DLGAP1: variants seen among roughly 807,000 people sequenced by gnomAD.
The protein encoded by DLGAP1 is disks large-associated protein 1.
DLGAP1 carries 11 observed loss-of-function variants against 90.8 expected under a neutral mutation model. That is an observed-to-expected ratio of 0.12 (90% CI 0.08 to 0.20). The LOEUF (loss-of-function observed/expected upper bound fraction) is 0.20, where lower values mean the gene tolerates loss of function less well. Among genes scored for constraint, DLGAP1 ranks in the 10% least tolerant of loss-of-function variants. The pLI is 1.00. For missense variants in DLGAP1, 1,050 were observed against 1,333.8 expected (o/e 0.79, Z 3.31); for synonymous variants, 558 against 540.7 (o/e 1.03, Z -0.44).
At chr18:3,765,840 GA>G in intron 5 of DLGAP1, among the ~76,000 whole-genome samples, 1 of 148,642 alleles carries the variant, frequency 6.7e-6, no homozygotes, top group South Asian at 2.1e-4. Context: ...GTCTCAAAAG[GA>G]AAAAAAACAA....
At chr18:4,272,303 A>G (rs1033868413) in intron 1 of DLGAP1, among the ~76,000 whole-genome samples, 3 of 152,230 alleles carry the variant, frequency 2.0e-5, no homozygotes, top group Non-Finnish European at 4.4e-5. Flanking sequence ...AAAAAGTTAC[A>G]GTATAAGGTG....
chr18:4,317,839 C>A (rs1424420173), intron 1 of DLGAP1, among the ~76,000 whole-genome samples: 1 of 152,160 alleles, frequency 6.6e-6, no homozygotes, highest in Non-Finnish European at 1.5e-5. Context: ...GAGCTAAAAG[C>A]TTTCCTTTTC....
intron 2 of DLGAP1, among the ~76,000 whole-genome samples, chr18:4,044,287 T>C (rs971337858): frequency 1.3e-5 from 2 of 152,216 alleles, no homozygotes; most frequent in Admixed American, 6.5e-5. Context: ...ATCTAAATGC[T>C]GTTTATGGCT....
chr18:3,540,739 A>G (rs2052647345), intron 9 of DLGAP1, among the ~76,000 whole-genome samples: 1 of 152,208 alleles, frequency 6.6e-6, no homozygotes, highest in South Asian at 2.1e-4. Flanking sequence ...TCCTTTGCTT[A>G]AATACATCAT....
chr18:3,536,818 C>A (rs889711266), intron 9 of DLGAP1, among the ~76,000 whole-genome samples: 5 of 151,900 alleles, frequency 3.3e-5, no homozygotes, highest in African/African-American at 4.8e-5. Context: ...CTGAACCCTG[C>A]GATGAAGGGG....
At chr18:3,650,484 C>T (rs1183716812) in intron 7 of DLGAP1, among the ~76,000 whole-genome samples, 2 of 152,134 alleles carry the variant, frequency 1.3e-5, no homozygotes, top group Non-Finnish European at 2.9e-5. Flanking sequence ...AAAAAAGAAA[C>T]GTTTAGCCAA....
At chr18:4,362,757 T>A (rs1423145808) in intron 1 of DLGAP1, among the ~76,000 whole-genome samples, 2 of 152,112 alleles carry the variant, frequency 1.3e-5, no homozygotes, top group Non-Finnish European at 2.9e-5. Context: ...CATTTTACCA[T>A]AATGAAAAAC....
At chr18:4,213,607 G>A (rs1226942600) in intron 1 of DLGAP1, among the ~76,000 whole-genome samples, 1 of 152,098 alleles carries the variant, frequency 6.6e-6, no homozygotes, top group Non-Finnish European at 1.5e-5. Flanking sequence ...AATGTCAATG[G>A]GAAATTTTAG....
intron 4 of DLGAP1, chr18:3,845,348 C>T (rs1467731796): frequency 2.3e-5 from 35 of 1,545,696 alleles, no homozygotes; most frequent in Admixed American, 3.5e-5. Context: ...TATGATTTGC[C>T]GATTCTAAGT....
chr18:3,962,767 CAGG>C (rs1568322199), intron 3 of DLGAP1, among the ~76,000 whole-genome samples: 1 of 152,100 alleles, frequency 6.6e-6, no homozygotes, highest in Non-Finnish European at 1.5e-5. Context: ...GTGTATCTCC[CAGG>C]AGTTTTAAAA....
intron 2 of DLGAP1, among the ~76,000 whole-genome samples, chr18:4,058,959 C>T (rs983711836): frequency 6.6e-6 from 1 of 152,210 alleles, no homozygotes; most frequent in African/African-American, 2.4e-5. Flanking sequence ...CATAGGCTGG[C>T]CCAAGGCCAA....
chr18:3,638,493 C>T (rs1017431694), intron 7 of DLGAP1, among the ~76,000 whole-genome samples: 10 of 152,160 alleles, frequency 6.6e-5, no homozygotes, highest in African/African-American at 2.4e-4. Context: ...TCAAGTGATC[C>T]TCCCACCTCA....
At chr18:3,734,413 C>A (rs1466507424) in intron 6 of DLGAP1, among the ~76,000 whole-genome samples, 2 of 152,124 alleles carry the variant, frequency 1.3e-5, no homozygotes, top group African/African-American at 4.8e-5. Flanking sequence ...CTACTGCACT[C>A]AGCCCCATTT....
At chr18:4,381,651 CCTCT>C (rs1048987266) in intron 1 of DLGAP1, among the ~76,000 whole-genome samples, 7 of 152,182 alleles carry the variant, frequency 4.6e-5, no homozygotes, top group African/African-American at 1.4e-4. Context: ...ATTTAACCTT[CCTCT>C]CTCTCTAACA....
At chr18:4,144,340 G>A (rs1166273190) in intron 2 of DLGAP1, among the ~76,000 whole-genome samples, 2 of 152,194 alleles carry the variant, frequency 1.3e-5, no homozygotes, top group Admixed American at 1.3e-4. Context: ...CTGCCTTCAT[G>A]AGTGCTGGCT....
rs1251091625 is a variant in DLGAP1 at position 3,602,581 on chromosome 18, C to T, written c.1592-20333G>A. Among the ~76,000 whole-genome samples, 8 of 114,684 alleles carry T rather than the reference C, an allele frequency of 7.0e-5. No homozygotes were observed. The Admixed American group carries it at 8.9e-4, about 13-fold the overall frequency. 75.2% of individuals were successfully genotyped at this position (114,684 alleles called of 152,430 possible). A position where few individuals can be genotyped will look rare whatever the true frequency, so the allele number is the denominator to read the frequency against. ...CCGCACTCCAGCCTGGGCGACAGAG[C>T]GAGACTCCGTCCAAAAAAAAAAAAA... On this transcript the variant is annotated intron_variant, in intron 7 of 12. Transcript: ENST00000315677.
intron 1 of DLGAP1, among the ~76,000 whole-genome samples, chr18:4,237,045 C>T (rs2078431153): frequency 6.6e-6 from 1 of 152,192 alleles, no homozygotes; most frequent in Non-Finnish European, 1.5e-5. Flanking sequence ...CAAGACTGTG[C>T]TTTCTCCACT....
chr18:4,024,099 A>G (rs1013696814), intron 2 of DLGAP1, among the ~76,000 whole-genome samples: 2 of 152,246 alleles, frequency 1.3e-5, no homozygotes, highest in Non-Finnish European at 2.9e-5. Flanking sequence ...TTAGAAGTGT[A>G]AAATTCCAAC....
intron 1 of DLGAP1, among the ~76,000 whole-genome samples, chr18:4,242,321 AT>A (rs2078555404): frequency 6.6e-6 from 1 of 152,080 alleles, no homozygotes; most frequent in African/African-American, 2.4e-5. Flanking sequence ...ACTGGAATTA[AT>A]TTTGTTCTTG....
Sources: gnomAD v4.1 joint callset for allele counts (sites outside exome capture counted in the v4.1 genomes callset) on GRCh38, gnomAD v4.1.1 for gene constraint, MANE v1.5 for transcripts, NCBI Gene and HGNC (gene_info 2026-07-23, HGNC 2026-07-21) for gene names.